Variants in NCR3LG1 observed in about 807,000 individuals in gnomAD.
NCR3LG1 encodes the protein natural killer cell cytotoxicity receptor 3 ligand 1.
A neutral mutation model predicts 34.8 loss-of-function variants in NCR3LG1; 35 were observed. The ratio of observed to expected loss-of-function variants is 1.01; its 90% CI spans 0.77 to 1.33. The LOEUF is 1.33. NCR3LG1 is among the 40% of genes most tolerant of loss of function. The pLI is 0.00. For synonymous variants in NCR3LG1, 173 were observed against 163.6 expected (o/e 1.06, Z -0.44); for missense variants, 452 against 423.3 (o/e 1.07, Z -0.60).
intron 1 of NCR3LG1, among the ~76,000 whole-genome samples, chr11:17,354,911 A>G (rs768795265): frequency 6.6e-6 from 1 of 152,154 alleles, no homozygotes; most frequent in Non-Finnish European, 1.5e-5. Context: ...GACATGTTTG[A>G]TGGCAACAAG....
intron 1 of NCR3LG1, among the ~76,000 whole-genome samples, chr11:17,353,549 C>A (rs1953166265): frequency 6.6e-6 from 1 of 152,208 alleles, no homozygotes; most frequent in African/African-American, 2.4e-5. Flanking sequence ...CCGTCCCGCG[C>A]CCCCTCCCGG....
chr11:17,371,951 C>A (rs774129684), intron 4 of NCR3LG1, 55 bp from the exon 5 acceptor site: 158 of 634,318 alleles, frequency 2.5e-4, no homozygotes, highest in Non-Finnish European at 4.2e-4. Flanking sequence ...TGCTGTCGAT[C>A]ACTCCAGAAG....
chr11:17,366,930 T>G, intron 2 of NCR3LG1, 79 bp from the exon 3 acceptor site: 1 of 1,042,620 alleles, frequency 9.6e-7, no homozygotes, highest in Non-Finnish European at 1.4e-6. Context: ...GAGGGTATGG[T>G]AGAAGCCAGT....
At chr11:17,378,416 T>A (rs80058883), downstream of NCR3LG1, among the ~76,000 whole-genome samples, 10,088 of 152,220 alleles carry the variant, frequency 0.066, 1,120 homozygotes, top group African/African-American at 0.22. Flanking sequence ...CCCCTTTTGC[T>A]CGTGTGTTTT....
chr11:17,357,147 C>T, intron 2 of NCR3LG1, 146 bp downstream of exon 2: 1 of 615,458 alleles, frequency 1.6e-6, no homozygotes, highest in South Asian at 2.2e-5. Context: ...TATTAGTTTG[C>T]TAAGGCTGCC....
rs1002634906 is a variant in NCR3LG1, at chr11:17,373,166, G to C, written c.*654G>C. 2.6e-5 allele frequency: 4 copies of C among 152,174 alleles called. No homozygotes were observed. The highest frequency in any genetic ancestry group is 9.7e-5 in the African/African-American group (4 of 41,428). The allele number at this position is 152,174 out of a possible 1,614,324, so 9.4% of individuals were successfully genotyped here. On this transcript the variant is annotated 3_prime_UTR_variant, in exon 5 of 5. Coordinates refer to ENST00000338965, the MANE Select transcript of NCR3LG1 (RefSeq NM_001202439.3). ...AAGGAAGCTAGAGAAACAGGCCATG[G>C]GATTAGATAGCACCTTACAAAACCT...
downstream of NCR3LG1, among the ~76,000 whole-genome samples, chr11:17,378,160 C>T (rs1413076032): frequency 6.6e-6 from 1 of 152,100 alleles, no homozygotes; most frequent in Non-Finnish European, 1.5e-5. Context: ...AGTAGTTATG[C>T]AAAATAGACA....
chr11:17,352,615 T>TGCCTCGGTATTTGGC (rs1953151149), intron 1 of NCR3LG1, among the ~76,000 whole-genome samples: 2 of 152,126 alleles, frequency 1.3e-5, no homozygotes, highest in African/African-American at 4.8e-5. Context: ...GCGCGTTTGG[T>TGCCTCGGTATTTGGC]GCCTCGGTAT....
At chr11:17,360,536 T>G (rs1953259053) in intron 2 of NCR3LG1, among the ~76,000 whole-genome samples, 1 of 152,202 alleles carries the variant, frequency 6.6e-6, no homozygotes, top group African/African-American at 2.4e-5. Context: ...GACATTTAGG[T>G]CTATGATGCA....
chr11:17,372,223 G>A lies in NCR3LG1; in HGVS notation c.1076G>A (p.Gly359Asp). 1 of 703,088 alleles carries A rather than the reference G, an allele frequency of 1.4e-6. No homozygotes were observed. The highest frequency in any genetic ancestry group is 2.6e-6 in the Non-Finnish European group (1 of 385,022). The allele number at this position is 703,088 out of a possible 1,614,324, so 43.6% of individuals were successfully genotyped here. The change falls in exon 5 of 5, where the codon GGC becomes GAC. Residue 359 changes from glycine (G) to aspartate (D), a missense_variant. Coordinates refer to ENST00000338965, the MANE Select transcript of NCR3LG1 (RefSeq NM_001202439.3). ...QQLDVFCRQE[G>D]KWSEVPYVQA... ...CTAGATGTTTTCTGCAGACAGGAGGGCAAATGGTCCGAGGTTCCTTATGTG... is the reference window on the plus strand; with the variant it reads ...CTAGATGTTTTCTGCAGACAGGAGGACAAATGGTCCGAGGTTCCTTATGTG...
intron 1 of NCR3LG1, among the ~76,000 whole-genome samples, chr11:17,356,159 A>T (rs1953202617): frequency 8.1e-6 from 1 of 123,934 alleles, no homozygotes; most frequent in Non-Finnish European, 1.6e-5. Flanking sequence ...TTTTTTTGAG[A>T]CAGAGTGTCG....
rs1477020369 is a variant in NCR3LG1, at chr11:17,377,107, C to T, written c.*4595C>T. The T allele has an allele frequency of 6.6e-6, 1 of 152,116 alleles. No individual in the cohort carries two copies. The highest frequency in any genetic ancestry group is 2.4e-5 in the African/African-American group (1 of 41,398). 9.4% of individuals were successfully genotyped at this position (152,116 alleles called of 1,614,324 possible). The stretch of plus-strand genomic sequence containing the variant: ...TGTGGGTGAACAGAACAGGAGACTT[C>T]TGGACTGACAGCCCCTGTCACAAGG... On this transcript the variant is annotated 3_prime_UTR_variant, in exon 5 of 5. Transcript: ENST00000338965.
At chr11:17,370,015 G>A (rs1360388848) in intron 4 of NCR3LG1, among the ~76,000 whole-genome samples, 1 of 152,208 alleles carries the variant, frequency 6.6e-6, no homozygotes, top group African/African-American at 2.4e-5. Flanking sequence ...AGGCTACACA[G>A]GAGACTTGCC....
At position 17,372,761 on chromosome 11, in the gene NCR3LG1, A is replaced by G. The variant is rs981295860; in HGVS notation, c.*249A>G. On this transcript the variant is annotated 3_prime_UTR_variant, in exon 5 of 5. Coordinates refer to ENST00000338965, the MANE Select transcript of NCR3LG1 (RefSeq NM_001202439.3). Reference sequence around the variant, plus strand: ...TTCAGAGATGAACAACATGTCTTCTATAGCCACTCAATAAGGAAAGAAGGT... The same window carrying G: ...TTCAGAGATGAACAACATGTCTTCTGTAGCCACTCAATAAGGAAAGAAGGT... The G allele has an allele frequency of 2.9e-5, 13 of 442,954 alleles. 1 individual carries two copies. The South Asian group carries it at 4.1e-4, about 14-fold the overall frequency. The allele number at this position is 442,954 out of a possible 1,614,324, so 27.4% of individuals were successfully genotyped here.
At chr11:17,354,527 G>A (rs1953181502) in intron 1 of NCR3LG1, among the ~76,000 whole-genome samples, 3 of 135,754 alleles carry the variant, frequency 2.2e-5, no homozygotes, top group Admixed American at 7.3e-5. Flanking sequence ...TTCTCCCTCC[G>A]ACCCCCCAAT....
At position 17,377,289 on chromosome 11, in the gene NCR3LG1, C is replaced by G. The variant is rs1213536746; in HGVS notation, c.*4777C>G. 7 of 105,180 alleles carry G rather than the reference C, an allele frequency of 6.7e-5. No individual in the cohort carries two copies. The highest frequency in any genetic ancestry group is 1.1e-4 in the Non-Finnish European group (6 of 54,658). The allele number at this position is 105,180 out of a possible 1,614,324, so 6.5% of individuals were successfully genotyped here. ...GTCAGGAGTTCAAGACTAGCCTGGA[C>G]AATATGGTGAAACCCCGTCTGTACT... is the stretch of plus-strand genomic sequence containing the variant. On this transcript the variant is annotated 3_prime_UTR_variant, in exon 5 of 5. Coordinates refer to ENST00000338965, the MANE Select transcript of NCR3LG1 (RefSeq NM_001202439.3).
At chr11:17,379,899 C>T (rs183424424), downstream of NCR3LG1, among the ~76,000 whole-genome samples, 187 of 152,266 alleles carry the variant, frequency 1.2e-3, no homozygotes, top group African/African-American at 4.3e-3. Flanking sequence ...AGACCCCCTT[C>T]GAGAGAGAGC....
intron 2 of NCR3LG1, among the ~76,000 whole-genome samples, chr11:17,360,172 C>G (rs1383875295): frequency 6.6e-6 from 1 of 152,172 alleles, no homozygotes; most frequent in East Asian, 1.9e-4. Context: ...TCCCAAAGTA[C>G]TGGGAATTGT....
At position 17,356,712 on chromosome 11, in the gene NCR3LG1, C is replaced by A; in HGVS notation, c.132C>A (p.Val44=). The A allele has an allele frequency of 6.5e-7, 1 of 1,536,400 alleles. No homozygotes were observed. The highest frequency in any genetic ancestry group is 8.7e-7 in the Non-Finnish European group (1 of 1,146,972). The change falls in exon 2 of 5, where the codon GTC becomes GTA. Residue 44 remains valine, a synonymous_variant. Transcript: ENST00000338965. ...AGATCACACCCCTGAATGACAATGT[C>A]ACCATATTCTGCAATATCTTTTATT... is the stretch of plus-strand genomic sequence containing the variant. ...GTQITPLNDN[V]TIFCNIFYSQ...
Sources: gnomAD v4.1 joint callset for allele counts (sites outside exome capture counted in the v4.1 genomes callset) on GRCh38, gnomAD v4.1.1 for gene constraint, MANE v1.5 for transcripts, NCBI Gene and HGNC (gene_info 2026-07-23, HGNC 2026-07-21) for gene names.